Variants in NDUFB8 observed in about 807,000 individuals in gnomAD.
The protein encoded by NDUFB8 is NADH dehydrogenase [ubiquinone] 1 beta subcomplex subunit 8, mitochondrial.
In NDUFB8, 17 loss-of-function variants were observed where a neutral mutation model predicts 26.0. The ratio of observed to expected loss-of-function variants is 0.65; its 90% CI spans 0.45 to 0.98. The LOEUF is 0.98. Ranked by LOEUF, NDUFB8 falls within the 50% of genes least tolerant of loss-of-function variation. The pLI is 0.00. For missense variants in NDUFB8, 238 were observed against 255.0 expected, an observed-to-expected ratio of 0.93 and a Z score of 0.45; for synonymous variants, 89 against 93.1, an observed-to-expected ratio of 0.96 and a Z score of 0.25.
At chr10:100,526,331 G>T in intron 4 of NDUFB8, 68 bp downstream of exon 4, 1 of 1,502,000 alleles carries the variant, frequency 6.7e-7, no homozygotes, top group South Asian at 1.4e-5. Context: ...TCCTACCCCA[G>T]AGACTTCACT....
chr10:100,529,563 G>C, intron 1 of NDUFB8, 57 bp from the exon 2 acceptor site: 2 of 1,599,078 alleles, frequency 1.3e-6, no homozygotes, highest in South Asian at 2.2e-5. Flanking sequence ...CGCTCCGAAG[G>C]CTTCAAGTCG....
rs560752127 is a variant in NDUFB8 at position 100,524,920 on chromosome 10, T to C, written c.469-991A>G. Among the ~76,000 whole-genome samples, 7 of 152,366 alleles carry C rather than the reference T, an allele frequency of 4.6e-5. No individual in the cohort carries two copies. Among genetic ancestry groups the C allele is most frequent in the East Asian group, 3.9e-4 (2 of 5,186 alleles). On this transcript the variant is annotated intron_variant, in intron 4 of 4. Transcript: ENST00000299166. This position sits in a 1 kb window ranked among gnomAD's most constrained non-coding sequence, Gnocchi z 4.0. Reference sequence around the variant, plus strand: ...CATCTGGTACATAGTACAGGCTCCATAAATATTTGTTCAATTAATGCTTTA... The same window carrying C: ...CATCTGGTACATAGTACAGGCTCCACAAATATTTGTTCAATTAATGCTTTA...
Position 100,524,139 on chromosome 10 carries a change from A to C in NDUFB8, c.469-210T>G. 1 of 1,559,350 alleles carries C rather than the reference A, an allele frequency of 6.4e-7. No individual in the cohort carries two copies. The highest frequency in any genetic ancestry group is 8.7e-7 in the Non-Finnish European group (1 of 1,149,626). On this transcript the variant is annotated intron_variant, in intron 4 of 4. Transcript: ENST00000299166. This position sits in a 1 kb window ranked among gnomAD's most constrained non-coding sequence, Gnocchi z 4.0. ...AAATTGTAAGAGAAGTGGTGCCTAC[A>C]CTGTGAGAGAGAAGGAGAAAGGGGG...
In NDUFB8 at chr10:100,524,584, G is replaced by A. The variant is rs553626506; in HGVS notation, c.469-655C>T. ...AAGTTAGTGCTCACCCTAGCCCTAC[G>A]TGCATTCTCCAGCATGGAGCCCCTG... On this transcript the variant is annotated intron_variant, in intron 4 of 4. Coordinates refer to ENST00000299166, the MANE Select transcript of NDUFB8 (RefSeq NM_005004.4). The surrounding 1 kb of genome is among the most constrained non-coding windows in gnomAD (Gnocchi z 4.0). 1.3e-5 allele frequency among the ~76,000 whole-genome samples: 2 copies of A among 152,270 alleles called. No individual in the cohort carries two copies. Among genetic ancestry groups the A allele is most frequent in the Admixed American group, 6.5e-5 (1 of 15,286 alleles).
In NDUFB8 at chr10:100,523,904, T is replaced by C; in HGVS notation, c.494A>G (p.Asn165Ser). The C allele has an allele frequency of 1.2e-6, 2 of 1,614,166 alleles. No homozygotes were observed. Among genetic ancestry groups the C allele is most frequent in the Non-Finnish European group, 1.7e-6 (2 of 1,180,034 alleles). ...PVGPKQYPYN[N>S]LYLERGGDPS... ...ATCACCGCCTCGTTCCAGGTACAGA[T>C]TATTGTAAGGATACTGCTTTGGTCC... The change falls in exon 5 of 5, where the codon AAT (asparagine) becomes AGT (serine). Residue 165 changes from asparagine to serine, a missense_variant. Transcript: ENST00000299166.
rs1432271522 is a variant in NDUFB8, at chr10:100,523,919, T to G, written c.479A>C (p.Gln160Pro). The change falls in exon 5 of 5, where the codon CAG becomes CCG. Residue 160 changes from glutamine to proline, a missense_variant. Physicochemically the swap from Gln to Pro is moderately conservative, Grantham distance 76 (BLOSUM62 -1). Transcript: ENST00000299166. Reference protein sequence around the residue: ...YPVYQPVGPKQYPYNNLYLER... With the variant: ...YPVYQPVGPKPYPYNNLYLER... ...CAGGTACAGATTATTGTAAGGATAC[T>G]GCTTTGGTCCCTACAGAAAAAAACA... is the stretch of plus-strand genomic sequence containing the variant. 7 of 1,614,064 alleles carry G rather than the reference T, an allele frequency of 4.3e-6. No homozygotes were observed. The African/African-American group carries it at 9.3e-5, about 22-fold the overall frequency.
chr10:100,526,619 G>C, intron 3 of NDUFB8, 65 bp from the exon 4 acceptor site: 1 of 1,578,866 alleles, frequency 6.3e-7, no homozygotes, highest in African/African-American at 1.4e-5. Flanking sequence ...CAAGTCCCCA[G>C]TGATTAGAGC....
chr10:100,525,270 T>C (rs1852024471), intron 4 of NDUFB8, among the ~76,000 whole-genome samples: 1 of 152,018 alleles, frequency 6.6e-6, no homozygotes, highest in African/African-American at 2.4e-5. Flanking sequence ...TCTTTTTTTT[T>C]TTTCGAGACA....
chr10:100,525,663 T>TGTGTGTGTG (rs1564657564), intron 4 of NDUFB8, among the ~76,000 whole-genome samples: 32 of 112,852 alleles, frequency 2.8e-4, no homozygotes, highest in African/African-American at 1.0e-3. Flanking sequence ...TGTGTGTGTG[T>TGTGTGTGTG]TAGCATCTAG....
chr10:100,529,718 A>G (rs1589747924), intron 1 of NDUFB8, 49 bp downstream of exon 1: 1 of 1,584,172 alleles, frequency 6.3e-7, no homozygotes, highest in Non-Finnish European at 8.6e-7. Context: ...GATACACCAA[A>G]TTTCAGGTAC....
chr10:100,524,148 G>C lies in NDUFB8; in HGVS notation c.469-219C>G. ...GAGAAGTGGTGCCTACACTGTGAGA[G>C]AGAAGGAGAAAGGGGGAGGGAAGGG... On this transcript the variant is annotated intron_variant, in intron 4 of 4. Coordinates refer to ENST00000299166, the MANE Select transcript of NDUFB8 (RefSeq NM_005004.4). The surrounding 1 kb of genome is among the most constrained non-coding windows in gnomAD (Gnocchi z 4.0). 6.4e-7 allele frequency: 1 copy of C among 1,569,516 alleles called. No homozygotes were observed. The highest frequency in any genetic ancestry group is 8.6e-7 in the Non-Finnish European group (1 of 1,156,094).
At chr10:100,527,841 C>T (rs763153133) in intron 2 of NDUFB8, among the ~76,000 whole-genome samples, 10 of 152,176 alleles carry the variant, frequency 6.6e-5, no homozygotes, top group Admixed American at 6.5e-5. Flanking sequence ...TTTTTTGAGA[C>T]GGAATCTTGC....
At chr10:100,529,164 G>A (rs1233553346) in intron 2 of NDUFB8, 2 of 397,928 alleles carry the variant, frequency 5.0e-6, no homozygotes, top group African/African-American at 4.2e-5. Context: ...TTCCTCATTT[G>A]AGGAAACAGC....
At position 100,523,831 on chromosome 10, in the gene NDUFB8, G is replaced by C. The variant is rs1851997611; in HGVS notation, c.*6C>G. The C allele has an allele frequency of 1.2e-6, 2 of 1,613,272 alleles. No homozygotes were observed. The highest frequency in any genetic ancestry group is 1.7e-6 in the Non-Finnish European group (2 of 1,179,406). On this transcript the variant is annotated 3_prime_UTR_variant, in exon 5 of 5. Transcript: ENST00000299166. The stretch of plus-strand genomic sequence containing the variant: ...GTTAGAGGACCCAAAAGCCCACGAA[G>C]CCTCCTCAGATCTCATAGTGAACCA...
chr10:100,527,886 C>T (rs1852080369), intron 2 of NDUFB8, among the ~76,000 whole-genome samples: 1 of 152,176 alleles, frequency 6.6e-6, no homozygotes, highest in African/African-American at 2.4e-5. Context: ...ATGGCACAAT[C>T]TCAGCTTACT....
intron 2 of NDUFB8, among the ~76,000 whole-genome samples, chr10:100,527,845 A>C (rs1312157126): frequency 6.6e-6 from 1 of 152,066 alleles, no homozygotes; most frequent in African/African-American, 2.4e-5. Flanking sequence ...TTGAGACGGA[A>C]TCTTGCTCTT....
rs989990893 is a variant in NDUFB8 at position 100,524,529 on chromosome 10, A to G, written c.469-600T>C. On this transcript the variant is annotated intron_variant, in intron 4 of 4. Coordinates refer to ENST00000299166, the MANE Select transcript of NDUFB8 (RefSeq NM_005004.4). The surrounding 1 kb of genome is among the most constrained non-coding windows in gnomAD (Gnocchi z 4.0). ...TGCTTACAGAACTGAAAAATGGAAGAGCCACACTGTTCCTTGCTCTCCTGA... is the reference window on the plus strand; with the variant it reads ...TGCTTACAGAACTGAAAAATGGAAGGGCCACACTGTTCCTTGCTCTCCTGA... Among the ~76,000 whole-genome samples, 3 of 152,178 alleles carry G rather than the reference A, an allele frequency of 2.0e-5. No homozygotes were observed. The highest frequency in any genetic ancestry group is 7.2e-5 in the African/African-American group (3 of 41,450).
At chr10:100,526,163 T>C (rs540769426) in intron 4 of NDUFB8, 6 of 393,288 alleles carry the variant, frequency 1.5e-5, no homozygotes, top group Non-Finnish European at 2.2e-5. Flanking sequence ...CACACACTCA[T>C]TGCTCATCTA....
Position 100,526,383 on chromosome 10 carries a change from C to A in NDUFB8, c.468+16G>T. The A allele has an allele frequency of 6.3e-7, 1 of 1,576,290 alleles. No individual in the cohort carries two copies. The highest frequency in any genetic ancestry group is 8.6e-7 in the Non-Finnish European group (1 of 1,167,818). On this transcript the variant is annotated intron_variant, in intron 4 of 4. Transcript: ENST00000299166. ...CTAAGCAAGCGTGCCTAAGGGAGCA[C>A]TTCTCGGATACTCACCACAGGCTGG...
Sources: allele counts gnomAD v4.1 joint callset (sites outside exome capture counted in the v4.1 genomes callset), GRCh38; gene constraint gnomAD v4.1.1; non-coding constraint Gnocchi (gnomAD v3.1); transcripts MANE v1.5; gene names NCBI Gene and HGNC (gene_info 2026-07-23, HGNC 2026-07-21).